Variants in AKR1C2 observed in about 807,000 individuals in gnomAD.
AKR1C2 encodes aldo-keto reductase family 1 member C2.
A neutral mutation model predicts 39.8 loss-of-function variants in AKR1C2; 27 were observed. The observed-to-expected ratio is 0.68, with a 90% CI of 0.50 to 0.93. AKR1C2 has a LOEUF of 0.93. Ranked by LOEUF, AKR1C2 falls within the 40% of genes least tolerant of loss-of-function variation. AKR1C2 has a pLI of 0.00. For synonymous variants in AKR1C2, 114 were observed against 137.9 expected, an observed-to-expected ratio of 0.83 and a Z score of 1.22; for missense variants, 263 against 365.1, an observed-to-expected ratio of 0.72 and a Z score of 2.28.
At chr10:5,013,168 T>C (rs1837557566) in intron 1 of AKR1C2, 1 of 152,120 alleles carries the variant, frequency 6.6e-6, no homozygotes, top group Admixed American at 6.5e-5. Flanking sequence ...ATAACAAACC[T>C]GCATGTGCAC....
At chr10:5,001,312 G>T (rs67362530) in intron 2 of AKR1C2, among the ~76,000 whole-genome samples, 1 of 152,104 alleles carries the variant, frequency 6.6e-6, no homozygotes, top group East Asian at 1.9e-4. Flanking sequence ...GCACTTTGAA[G>T]GCATGAATTG....
upstream of AKR1C2, among the ~76,000 whole-genome samples, chr10:5,008,481 G>A (rs1449213319): frequency 6.6e-6 from 1 of 151,992 alleles, no homozygotes; most frequent in Non-Finnish European, 1.5e-5. Context: ...TTGTACATGG[G>A]GGCTTCTGCC....
intron 1 of AKR1C2, among the ~76,000 whole-genome samples, chr10:5,016,434 G>A (rs2131734536): frequency 6.6e-6 from 1 of 152,216 alleles, no homozygotes; most frequent in East Asian, 1.9e-4. Context: ...CCAAAACCCA[G>A]AAAGGCAGTC....
chr10:5,011,177 A>G (rs1426339094), intron 1 of AKR1C2, among the ~76,000 whole-genome samples: 2 of 152,188 alleles, frequency 1.3e-5, no homozygotes, highest in African/African-American at 4.8e-5. Context: ...AAGAAAACCC[A>G]AATAACCTCT....
At chr10:4,998,909 A>G (rs1284268252) in intron 4 of AKR1C2, among the ~76,000 whole-genome samples, 162 bp from the exon 5 acceptor site, 1 of 152,218 alleles carries the variant, frequency 6.6e-6, no homozygotes, top group Non-Finnish European at 1.5e-5. Flanking sequence ...TTGGGGAAGA[A>G]GATAGTGATT....
intron 1 of AKR1C2, among the ~76,000 whole-genome samples, chr10:5,002,192 A>T (rs1459451392): frequency 1.3e-5 from 2 of 152,180 alleles, no homozygotes; most frequent in African/African-American, 4.8e-5. Flanking sequence ...CATTGCTAAG[A>T]TTTTGTCTGG....
rs2131662454 is a variant in AKR1C2 at position 4,988,166 on chromosome 10, C to T, written c.*1830G>A. ...TAGAGATTTGAAATATGAAAGTCTG[C>T]TTAAGCGTTACACACTTGGCTACGA... On this transcript the variant is annotated 3_prime_UTR_variant, in exon 9 of 9. Transcript: ENST00000380753. 6.6e-6 allele frequency: 1 copy of T among 152,272 alleles called. No individual in the cohort carries two copies. The highest frequency in any genetic ancestry group is 2.1e-4 in the South Asian group (1 of 4,832). 9.4% of individuals were successfully genotyped at this position (152,272 alleles called of 1,614,324 possible). A position where few individuals can be genotyped will look rare whatever the true frequency, so the allele number is the denominator to read the frequency against.
chr10:4,989,875 A>G lies in AKR1C2; in HGVS notation c.*121T>C. On this transcript the variant is annotated 3_prime_UTR_variant, in exon 9 of 9. Coordinates refer to ENST00000380753, the MANE Select transcript of AKR1C2 (RefSeq NM_001393392.1). Reference sequence around the variant, plus strand: ...GATGGGCTTAGCTGTAGCTTACTGAAGTCGCCAAGCAGGAGAGATTTAACC... The same window carrying G: ...GATGGGCTTAGCTGTAGCTTACTGAGGTCGCCAAGCAGGAGAGATTTAACC... The G allele has an allele frequency of 6.9e-7, 1 of 1,439,412 alleles. No homozygotes were observed. Among genetic ancestry groups the G allele is most frequent in the Non-Finnish European group, 9.5e-7 (1 of 1,053,288 alleles). 89.2% of individuals were successfully genotyped at this position (1,439,412 alleles called of 1,614,324 possible).
intron 1 of AKR1C2, chr10:5,013,173 G>C (rs74981350): frequency 6.6e-6 from 1 of 152,046 alleles, no homozygotes; most frequent in African/African-American, 2.4e-5. Flanking sequence ...AAACCTGCAT[G>C]TGCACCCCCG....
At chr10:4,994,326 A>G (rs1177754494) in intron 7 of AKR1C2, among the ~76,000 whole-genome samples, 3 of 152,146 alleles carry the variant, frequency 2.0e-5, no homozygotes, top group Non-Finnish European at 4.4e-5. Flanking sequence ...CACATATCAT[A>G]TAAATGATAG....
At chr10:5,016,815 G>A (rs568782986) in intron 1 of AKR1C2, among the ~76,000 whole-genome samples, 3 of 152,290 alleles carry the variant, frequency 2.0e-5, no homozygotes, top group South Asian at 2.1e-4. Context: ...CTGCCTGGAC[G>A]TCCATGCATT....
intron 1 of AKR1C2, among the ~76,000 whole-genome samples, chr10:5,012,719 G>A (rs1490732862): frequency 1.3e-5 from 2 of 152,050 alleles, no homozygotes; most frequent in African/African-American, 2.4e-5. Context: ...AATTAATTAT[G>A]GTGCTTCAGG....
intron 1 of AKR1C2, among the ~76,000 whole-genome samples, chr10:5,011,344 C>T (rs1181500794): frequency 6.6e-6 from 1 of 152,190 alleles, no homozygotes; most frequent in African/African-American, 2.4e-5. Flanking sequence ...GGACATTATT[C>T]TGGTGATAGC....
chr10:5,002,464 A>G (rs147457531), intron 1 of AKR1C2, among the ~76,000 whole-genome samples: 192 of 152,336 alleles, frequency 1.3e-3, no homozygotes, highest in African/African-American at 4.4e-3. Flanking sequence ...ACAGAACCAA[A>G]TACTAGGAGT....
chr10:5,006,159 T>C (rs536783529), upstream of AKR1C2: 1 of 152,194 alleles, frequency 6.6e-6, no homozygotes, highest in Non-Finnish European at 1.5e-5. Flanking sequence ...GAAGGGGAAG[T>C]GCAAACCCAT....
In AKR1C2 at chr10:4,989,939, C is replaced by T; in HGVS notation, c.*57G>A. On this transcript the variant is annotated 3_prime_UTR_variant, in exon 9 of 9. Transcript: ENST00000380753. The stretch of plus-strand genomic sequence containing the variant: ...CCAGTCACCAGCATAGAGCCATCCT[C>T]TGTGTCACCATCCACACGCAGGGCC... 1 of 1,473,608 alleles carries T rather than the reference C, an allele frequency of 6.8e-7. No individual in the cohort carries two copies. The highest frequency in any genetic ancestry group is 1.8e-5 in the Admixed American group (1 of 56,186). 91.3% of individuals were successfully genotyped at this position (1,473,608 alleles called of 1,614,324 possible). A position where few individuals can be genotyped will look rare whatever the true frequency, so the allele number is the denominator to read the frequency against.
rs557578968 is a variant in AKR1C2, at chr10:4,996,575, G to A, written c.571-710C>T. Reference sequence around the variant, plus strand: ...ATATATATATATGCTGAGTAGATGTGAGCATTAAAAAATGAGTAAAATAAA... The same window carrying A: ...ATATATATATATGCTGAGTAGATGTAAGCATTAAAAAATGAGTAAAATAAA... On this transcript the variant is annotated intron_variant, in intron 5 of 8. Transcript: ENST00000380753. 1.1e-3 allele frequency among the ~76,000 whole-genome samples: 159 copies of A among 146,772 alleles called. 1 individual carries two copies. Among genetic ancestry groups the A allele is most frequent in the Admixed American group, 1.9e-3 (28 of 14,650 alleles).
rs1462841099 is a variant in AKR1C2 at position 4,989,831 on chromosome 10, T to C, written c.*165A>G. The C allele has an allele frequency of 1.6e-5, 17 of 1,037,192 alleles. No individual in the cohort carries two copies. Among genetic ancestry groups the C allele is most frequent in the East Asian group, 2.8e-5 (1 of 35,720 alleles). 64.2% of individuals were successfully genotyped at this position (1,037,192 alleles called of 1,614,324 possible). A position where few individuals can be genotyped will look rare whatever the true frequency, so the allele number is the denominator to read the frequency against. On this transcript the variant is annotated 3_prime_UTR_variant, in exon 9 of 9. Coordinates refer to ENST00000380753, the MANE Select transcript of AKR1C2 (RefSeq NM_001393392.1). ...TTTTTCAAAATGAAAAACAAAATTA[T>C]TGTCTTTCTTTTCCGGCCGATGGGC...
At chr10:5,000,483 T>C in intron 3 of AKR1C2, 67 bp downstream of exon 3, 1 of 1,613,510 alleles carries the variant, frequency 6.2e-7, no homozygotes, top group Non-Finnish European at 8.5e-7. Flanking sequence ...TTAGTTCAAA[T>C]CTCCATGAAA....
Sources: allele counts gnomAD v4.1 joint callset (sites outside exome capture counted in the v4.1 genomes callset), GRCh38; gene constraint gnomAD v4.1.1; transcripts MANE v1.5; gene names NCBI Gene and HGNC (gene_info 2026-07-23, HGNC 2026-07-21).